The following PRKCE variants were observed in gnomAD, a reference collection of about 807,000 sequenced individuals.
The protein encoded by PRKCE is protein kinase C epsilon type.
PRKCE carries 16 observed loss-of-function variants against 85.4 expected under a neutral mutation model. The observed-to-expected ratio is 0.19, with a 90% confidence interval of 0.13 to 0.28. The LOEUF is 0.28. PRKCE is among the 10% of genes least tolerant of loss of function. The pLI is 1.00. For missense variants in PRKCE, 573 were observed against 975.2 expected, an observed-to-expected ratio of 0.59 and a Z score of 5.49; for synonymous variants, 388 against 371.5, an observed-to-expected ratio of 1.04 and a Z score of -0.51.
chr2:45,661,785 C>T (rs1181647905), intron 1 of PRKCE, among the ~76,000 whole-genome samples: 3 of 151,784 alleles, frequency 2.0e-5, no homozygotes, highest in African/African-American at 7.3e-5. Context: ...ATGATCCACC[C>T]GCCTTGGCCT....
At chr2:45,944,684 T>TTTTTTTAAAA (rs1700120657) in intron 2 of PRKCE, among the ~76,000 whole-genome samples, 1 of 126,796 alleles carries the variant, frequency 7.9e-6, no homozygotes. Context: ...TTTTTTTTTG[T>TTTTTTTAAAA]AGAGACAGGA....
chr2:45,806,732 C>A (rs1234256080), intron 1 of PRKCE, among the ~76,000 whole-genome samples: 2 of 152,120 alleles, frequency 1.3e-5, no homozygotes, highest in Non-Finnish European at 2.9e-5. Context: ...GATTCTTTAC[C>A]CTTAATTGTT....
Position 45,895,815 on chromosome 2 carries a change from A to G in PRKCE, c.412+52752A>G, listed in dbSNP as rs1160754420. Reference sequence around the variant, plus strand: ...GGAATCTACGCAGGTGCGCAGGTGTAGAGGAAGTGCTGTAGGGCCGCAGGG... The same window carrying G: ...GGAATCTACGCAGGTGCGCAGGTGTGGAGGAAGTGCTGTAGGGCCGCAGGG... On this transcript the variant is annotated intron_variant, in intron 2 of 14. Transcript: ENST00000306156. This position sits in a 1 kb window ranked among gnomAD's most constrained non-coding sequence, Gnocchi z 4.8. Among the ~76,000 whole-genome samples the G allele has an allele frequency of 6.6e-6, 1 of 152,146 alleles. No homozygotes were observed. The highest frequency in any genetic ancestry group is 1.5e-5 in the Non-Finnish European group (1 of 68,010).
At chr2:46,118,177 A>G (rs1451294431) in intron 11 of PRKCE, among the ~76,000 whole-genome samples, 1 of 152,256 alleles carries the variant, frequency 6.6e-6, no homozygotes, top group Non-Finnish European at 1.5e-5. Flanking sequence ...TGGAATTATC[A>G]ACTGGAGAGA....
intron 2 of PRKCE, among the ~76,000 whole-genome samples, chr2:45,945,008 G>C (rs1426759481): frequency 6.6e-6 from 1 of 151,840 alleles, no homozygotes; most frequent in Non-Finnish European, 1.5e-5. Flanking sequence ...TCCACTTCTT[G>C]TTCCTCTTTC....
chr2:46,116,373 A>G (rs1003221854), intron 11 of PRKCE, among the ~76,000 whole-genome samples: 1 of 152,250 alleles, frequency 6.6e-6, no homozygotes, highest in African/African-American at 2.4e-5. Context: ...TAAAGTAAAC[A>G]TCCCTGTGAC....
At chr2:45,706,362 G>C (rs696593) in intron 1 of PRKCE, among the ~76,000 whole-genome samples, 33,354 of 152,076 alleles carry the variant, frequency 0.22, 3,845 homozygotes, top group Admixed American at 0.26. Context: ...GAGAAAATGA[G>C]GCTCTGAAAG....
chr2:46,028,588 C>T (rs1461221667), intron 10 of PRKCE, among the ~76,000 whole-genome samples: 4 of 152,184 alleles, frequency 2.6e-5, no homozygotes, highest in African/African-American at 9.7e-5. Context: ...AACAGCTTTC[C>T]TTGCTGCCAT....
At chr2:45,780,776 C>A (rs1204187563) in intron 1 of PRKCE, among the ~76,000 whole-genome samples, 2 of 152,304 alleles carry the variant, frequency 1.3e-5, no homozygotes, top group South Asian at 4.1e-4. Flanking sequence ...GAAGTCATAG[C>A]TTCCTCCTCT....
intron 10 of PRKCE, among the ~76,000 whole-genome samples, chr2:46,019,893 A>C (rs1706499108): frequency 8.1e-6 from 1 of 124,006 alleles, no homozygotes; most frequent in Non-Finnish European, 1.6e-5. Flanking sequence ...CTCCGTCACC[A>C]TGCTGGAGTG....
At chr2:45,892,822 C>T (rs1348909673) in intron 2 of PRKCE, among the ~76,000 whole-genome samples, 1 of 152,188 alleles carries the variant, frequency 6.6e-6, no homozygotes, top group Non-Finnish European at 1.5e-5. Flanking sequence ...CAGCCTGCAC[C>T]AGTATAGAAC....
chr2:45,966,272 G>A (rs1229881359), intron 2 of PRKCE, among the ~76,000 whole-genome samples: 1 of 152,184 alleles, frequency 6.6e-6, no homozygotes, highest in African/African-American at 2.4e-5. Flanking sequence ...TAACATGACC[G>A]CAGGTGCCTG....
intron 1 of PRKCE, among the ~76,000 whole-genome samples, chr2:45,718,575 C>T (rs1007520561): frequency 1.3e-5 from 2 of 152,016 alleles, no homozygotes; most frequent in Non-Finnish European, 2.9e-5. Flanking sequence ...ATCTCCTTAC[C>T]TAGTGATCGG....
intron 1 of PRKCE, among the ~76,000 whole-genome samples, chr2:45,676,376 G>A (rs2103877269): frequency 6.6e-6 from 1 of 152,318 alleles, no homozygotes; most frequent in South Asian, 2.1e-4. Flanking sequence ...TGAAACCAGT[G>A]CAACAAAACA....
intron 1 of PRKCE, among the ~76,000 whole-genome samples, chr2:45,689,998 CTG>C (rs1412800772): frequency 1.3e-5 from 2 of 152,050 alleles, no homozygotes; most frequent in African/African-American, 4.8e-5. Context: ...CAGAAATACT[CTG>C]TGCATTCTAT....
Position 45,984,622 on chromosome 2 carries a change from C to T in PRKCE, c.765C>T (p.Phe255=), listed in dbSNP as rs543546047. 1 of 1,599,904 alleles carries T rather than the reference C, an allele frequency of 6.3e-7. No homozygotes were observed. Among genetic ancestry groups the T allele is most frequent in the East Asian group, 2.2e-5 (1 of 44,878 alleles). ...FGIHNYKVPT[F]CDHCGSLLWG... is the part of the protein sequence containing the mutation. ...TCCACAACTACAAGGTCCCTACCTT[C>T]TGCGATCACTGTGGGTCCCTGCTCT... The change falls in exon 6 of 15, where the codon TTC becomes TTT. Residue 255 remains phenylalanine (F), a synonymous_variant. Transcript: ENST00000306156.
intron 14 of PRKCE, among the ~76,000 whole-genome samples, chr2:46,174,040 G>A (rs937463453): frequency 6.6e-6 from 1 of 152,190 alleles, no homozygotes; most frequent in Non-Finnish European, 1.5e-5. Flanking sequence ...AATGCCTGGC[G>A]GTCTGAGAGA....
chr2:46,097,422 A>G (rs897105771), intron 11 of PRKCE, among the ~76,000 whole-genome samples: 1 of 151,698 alleles, frequency 6.6e-6, no homozygotes, highest in Admixed American at 6.6e-5. Flanking sequence ...CGGGAGGCTG[A>G]GGCAGGAGAA....
intron 6 of PRKCE, among the ~76,000 whole-genome samples, chr2:45,993,699 C>T (rs1360634982): frequency 6.6e-6 from 1 of 152,084 alleles, no homozygotes; most frequent in Non-Finnish European, 1.5e-5. Context: ...AGGCAGAAGA[C>T]AGCTTTCATG....
Sources: allele counts gnomAD v4.1 joint callset (sites outside exome capture counted in the v4.1 genomes callset), GRCh38; gene constraint gnomAD v4.1.1; non-coding constraint Gnocchi (gnomAD v3.1); transcripts MANE v1.5; gene names NCBI Gene and HGNC (gene_info 2026-07-23, HGNC 2026-07-21).